GRID2: variants seen among roughly 807,000 people sequenced by gnomAD.
GRID2 encodes the protein glutamate receptor ionotropic, delta-2.
Under a neutral mutation model 114.8 loss-of-function variants are expected in GRID2, and 33 were observed. That is an observed-to-expected ratio of 0.29 (90% CI 0.22 to 0.38). The LOEUF (loss-of-function observed/expected upper bound fraction) is 0.38. Among genes scored for constraint, GRID2 ranks in the 10% least tolerant of loss-of-function variants. The probability of loss-of-function intolerance (pLI) is 1.00; values close to 1 mark genes in which losing one functional copy is unlikely to be tolerated. For missense variants in GRID2, 1,184 were observed against 1,257.7 expected (o/e 0.94, Z 0.89); for synonymous variants, 505 against 449.9 (o/e 1.12, Z -1.55).
rs1196142918 is a variant in GRID2, at chr4:92,586,092, T to C, written c.89-4039T>C. The stretch of plus-strand genomic sequence containing the variant: ...GAGTGTCTAAACTATTCAGGCTCTT[T>C]TATACACAGTGTAAGTATAAAAATA... On this transcript the variant is annotated intron_variant, in intron 1 of 15. Transcript: ENST00000282020. 3.3e-5 allele frequency among the ~76,000 whole-genome samples: 5 copies of C among 151,846 alleles called. No individual in the cohort carries two copies. The South Asian group carries it at 1.0e-3, about 31-fold the overall frequency.
At chr4:92,908,665 C>T (rs977895100) in intron 2 of GRID2, among the ~76,000 whole-genome samples, 3 of 151,548 alleles carry the variant, frequency 2.0e-5, no homozygotes, top group Admixed American at 6.6e-5. Context: ...TTTATAGTAT[C>T]TGATTCTAAA....
At chr4:92,399,266 A>G (rs547352851) in intron 1 of GRID2, among the ~76,000 whole-genome samples, 21 of 152,204 alleles carry the variant, frequency 1.4e-4, no homozygotes, top group Non-Finnish European at 5.9e-5. Context: ...GGTGAGTCAC[A>G]TTTGTGTTTG....
At chr4:93,702,531 A>G (rs1727603356) in intron 14 of GRID2, among the ~76,000 whole-genome samples, 1 of 152,132 alleles carries the variant, frequency 6.6e-6, no homozygotes, top group Non-Finnish European at 1.5e-5. Context: ...CTGTTACCAT[A>G]ATGCTAAAAA....
At chr4:92,961,690 T>C (rs1752826426) in intron 2 of GRID2, among the ~76,000 whole-genome samples, 1 of 151,738 alleles carries the variant, frequency 6.6e-6, no homozygotes, top group South Asian at 2.1e-4. Flanking sequence ...CTGAGGTTCC[T>C]GAATCTTTGG....
intron 2 of GRID2, among the ~76,000 whole-genome samples, chr4:93,058,361 A>G (rs1158772697): frequency 6.6e-6 from 1 of 152,004 alleles, no homozygotes; most frequent in Non-Finnish European, 1.5e-5. Flanking sequence ...AACTTTGCTC[A>G]GCAATTGCTT....
chr4:92,333,450 A>G (rs1009225971), intron 1 of GRID2, among the ~76,000 whole-genome samples: 6 of 152,106 alleles, frequency 3.9e-5, no homozygotes, highest in East Asian at 3.9e-4. Flanking sequence ...TCATTCTCCC[A>G]TTATGTTGAA....
At chr4:92,590,104 T>A in intron 1 of GRID2, 27 bp from the exon 2 acceptor site, 1 of 1,543,588 alleles carries the variant, frequency 6.5e-7, no homozygotes, top group Non-Finnish European at 9.0e-7. Context: ...ATGTTATTAT[T>A]TAATGGCAAA....
chr4:93,229,035 A>G (rs1215380068), intron 7 of GRID2, among the ~76,000 whole-genome samples: 1 of 152,176 alleles, frequency 6.6e-6, no homozygotes, highest in Admixed American at 6.6e-5. Context: ...CCCCAGTGTC[A>G]CATTTTAAAG....
At chr4:93,349,303 T>C (rs749920403) in intron 8 of GRID2, among the ~76,000 whole-genome samples, 2 of 152,114 alleles carry the variant, frequency 1.3e-5, no homozygotes, top group Non-Finnish European at 2.9e-5. Context: ...TTCTATAAAA[T>C]GAGCTCTCTA....
chr4:93,660,445 T>C (rs1723388881), intron 14 of GRID2, among the ~76,000 whole-genome samples: 3 of 152,190 alleles, frequency 2.0e-5, no homozygotes, highest in Admixed American at 1.3e-4. Context: ...TTAATTCAAA[T>C]ATACATTTGT....
intron 12 of GRID2, among the ~76,000 whole-genome samples, chr4:93,494,278 C>T (rs1295808213): frequency 6.6e-6 from 1 of 151,800 alleles, no homozygotes; most frequent in African/African-American, 2.4e-5. Flanking sequence ...TTGGCAAACA[C>T]ATGCCAACCA....
intron 7 of GRID2, among the ~76,000 whole-genome samples, chr4:93,233,398 A>G (rs1746382876): frequency 6.6e-6 from 1 of 150,794 alleles, no homozygotes; most frequent in African/African-American, 2.4e-5. Context: ...GCTGGGGTAC[A>G]GTGGTGTGAT....
At chr4:93,135,494 C>T (rs1579085780) in intron 4 of GRID2, among the ~76,000 whole-genome samples, 1 of 152,064 alleles carries the variant, frequency 6.6e-6, no homozygotes, top group Admixed American at 6.6e-5. Flanking sequence ...AATATCTTTC[C>T]CAAATTGGGA....
chr4:92,783,083 A>C (rs927851374), intron 2 of GRID2, among the ~76,000 whole-genome samples: 1 of 152,072 alleles, frequency 6.6e-6, no homozygotes, highest in Non-Finnish European at 1.5e-5. Context: ...AAAATTATTC[A>C]TATATCATGA....
chr4:93,584,708 C>T (rs1337219087), intron 13 of GRID2, among the ~76,000 whole-genome samples: 1 of 152,082 alleles, frequency 6.6e-6, no homozygotes, highest in East Asian at 1.9e-4. Flanking sequence ...TCCATTTGCT[C>T]CATTCCTAAA....
At position 92,936,368 on chromosome 4, in the gene GRID2, A is replaced by C. The variant is rs1338390731; in HGVS notation, c.245-148627A>C. Among the ~76,000 whole-genome samples, 2 of 146,714 alleles carry C rather than the reference A, an allele frequency of 1.4e-5. 1 individual carries two copies. Among genetic ancestry groups the C allele is most frequent in the Non-Finnish European group, 3.0e-5 (2 of 66,274 alleles). On this transcript the variant is annotated intron_variant, in intron 2 of 15. Transcript: ENST00000282020. ...ATCTGAGATTCGTTTGTAAATATAA[A>C]TCACGCCATTAATTATACTGCCTAA...
chr4:93,352,157 A>C (rs75465270), intron 8 of GRID2, among the ~76,000 whole-genome samples: 1 of 152,068 alleles, frequency 6.6e-6, no homozygotes, highest in African/African-American at 2.4e-5. Flanking sequence ...GCTGTATGCT[A>C]TAATTCCAAG....
intron 9 of GRID2, among the ~76,000 whole-genome samples, chr4:93,419,970 AT>A (rs1768101963): frequency 1.3e-5 from 2 of 152,062 alleles, no homozygotes; most frequent in Admixed American, 6.6e-5. Context: ...TAAATTCATA[AT>A]TTTTTAAGTG....
chr4:93,422,674 C>T (rs1768408899), intron 9 of GRID2, 97 bp from the exon 10 acceptor site: 3 of 742,958 alleles, frequency 4.0e-6, no homozygotes, highest in Non-Finnish European at 6.7e-6. Context: ...AAGTATAAAA[C>T]AATTTTTAGA....
Sources: allele counts gnomAD v4.1 joint callset (sites outside exome capture counted in the v4.1 genomes callset), GRCh38; gene constraint gnomAD v4.1.1; transcripts MANE v1.5; gene names NCBI Gene and HGNC (gene_info 2026-07-23, HGNC 2026-07-21).